Variants in HACE1 observed in about 807,000 individuals in gnomAD.
The protein encoded by HACE1 is HECT domain and ankyrin repeat containing E3 ubiquitin protein ligase 1, also known as E3 ubiquitin-protein ligase HACE1.
In HACE1, 73 loss-of-function variants were observed where a neutral mutation model predicts 118.4. The ratio of observed to expected loss-of-function variants is 0.62; its 90% confidence interval spans 0.51 to 0.75. The LOEUF (loss-of-function observed/expected upper bound fraction) is 0.75. Ranked by LOEUF, HACE1 falls within the 30% of genes least tolerant of loss-of-function variation. The probability of loss-of-function intolerance (pLI) is 0.00; values close to 1 mark genes in which losing one functional copy is unlikely to be tolerated. For missense variants in HACE1, 749 were observed against 1,102.2 expected (o/e 0.68, Z 4.54); for synonymous variants, 368 against 374.8 (o/e 0.98, Z 0.21).
intron 11 of HACE1, among the ~76,000 whole-genome samples, chr6:104,790,767 C>G (rs1289305645): frequency 6.6e-6 from 1 of 152,044 alleles, no homozygotes; most frequent in Non-Finnish European, 1.5e-5. Flanking sequence ...AAAATAAATA[C>G]ATGAAGAAAT....
chr6:104,791,302 G>A (rs1025143126), intron 11 of HACE1, among the ~76,000 whole-genome samples: 1 of 152,180 alleles, frequency 6.6e-6, no homozygotes, highest in Non-Finnish European at 1.5e-5. Flanking sequence ...AATTTTATTT[G>A]TAAGAAAAAT....
intron 10 of HACE1, among the ~76,000 whole-genome samples, chr6:104,794,040 G>A (rs1199272952): frequency 6.6e-6 from 1 of 152,118 alleles, no homozygotes; most frequent in East Asian, 1.9e-4. Flanking sequence ...GTCATTTTTA[G>A]AAGCTAGATT....
At chr6:104,859,406 G>A (rs1445474146) in intron 1 of HACE1, 161 bp downstream of exon 1, 1 of 601,268 alleles carries the variant, frequency 1.7e-6, no homozygotes, top group Non-Finnish European at 2.8e-6. Context: ...TCGGGCCAGG[G>A]GAGTTCGGGG....
chr6:104,804,323 C>T (rs1019728620), intron 7 of HACE1, among the ~76,000 whole-genome samples: 1 of 152,202 alleles, frequency 6.6e-6, no homozygotes, highest in Non-Finnish European at 1.5e-5. Flanking sequence ...CCATCCCCAT[C>T]AAGCAACCAA....
intron 19 of HACE1, among the ~76,000 whole-genome samples, chr6:104,769,172 C>A (rs1414156554): frequency 6.6e-6 from 1 of 152,098 alleles, no homozygotes; most frequent in East Asian, 1.9e-4. Flanking sequence ...ATAGCTAGGA[C>A]TGTAGCCACA....
At chr6:104,775,772 T>C (rs1229250373) in intron 17 of HACE1, among the ~76,000 whole-genome samples, 2 of 152,344 alleles carry the variant, frequency 1.3e-5, no homozygotes, top group East Asian at 3.9e-4. Flanking sequence ...TGCAGCTGCC[T>C]AGCTCTACTG....
chr6:104,791,711 C>T (rs980367747), intron 10 of HACE1, 57 bp from the exon 11 acceptor site: 1 of 1,156,080 alleles, frequency 8.6e-7, no homozygotes, highest in Non-Finnish European at 1.3e-6. Context: ...TATTAAAATA[C>T]TTATTTTAAA....
chr6:104,748,855 G>C (rs1777734009), intron 20 of HACE1, among the ~76,000 whole-genome samples: 1 of 152,164 alleles, frequency 6.6e-6, no homozygotes, highest in Non-Finnish European at 1.5e-5. Flanking sequence ...TATGATTTTA[G>C]AAGTCAGGAG....
intron 19 of HACE1, among the ~76,000 whole-genome samples, chr6:104,764,528 ATC>A (rs1175104439): frequency 6.6e-6 from 1 of 152,082 alleles, no homozygotes; most frequent in Non-Finnish European, 1.5e-5. Context: ...TGCCTTAGAA[ATC>A]TCTCTTTGAT....
intron 19 of HACE1, among the ~76,000 whole-genome samples, chr6:104,752,338 T>C (rs570967962): frequency 1.4e-3 from 220 of 152,176 alleles, no homozygotes; most frequent in Non-Finnish European, 2.5e-3. Flanking sequence ...AAATAACATA[T>C]ATAAAATATT....
intron 22 of HACE1, among the ~76,000 whole-genome samples, chr6:104,734,845 G>A (rs925164011): frequency 2.0e-5 from 3 of 152,090 alleles, no homozygotes; most frequent in African/African-American, 7.2e-5. Context: ...TAAAAAACTT[G>A]AATAACTGAT....
Position 104,852,346 on chromosome 6 carries a change from T to G in HACE1, c.102A>C (p.Leu34Phe). 6.2e-7 allele frequency: 1 copy of G among 1,608,378 alleles called. No homozygotes were observed. The highest frequency in any genetic ancestry group is 8.5e-7 in the Non-Finnish European group (1 of 1,175,406). The change falls in exon 2 of 24, where the codon TTA becomes TTC. Residue 34 changes from leucine (L) to phenylalanine (F), a missense_variant. Leu to Phe is a conservative substitution (Grantham distance 22, BLOSUM62 0). Coordinates refer to ENST00000262903, the MANE Select transcript of HACE1 (RefSeq NM_020771.4). ...PEDNETAVYT[L>F]MPMVMADQHR... ...GTTGATCAGCCATAACCATTGGCAT[T>G]AATGTATAAACAGCAGTTTCATTAT...
intron 11 of HACE1, chr6:104,785,609 T>C (rs1782303614): frequency 2.9e-6 from 1 of 340,614 alleles, no homozygotes; most frequent in Non-Finnish European, 5.5e-6. Context: ...CTTTCTTCTT[T>C]TAATTTTCAA....
chr6:104,799,915 C>T (rs1025869569), intron 7 of HACE1, among the ~76,000 whole-genome samples: 3 of 55,532 alleles, frequency 5.4e-5, no homozygotes, highest in African/African-American at 4.2e-4. Flanking sequence ...GTGAGCACCT[C>T]ACTTGGGAAG....
At chr6:104,827,307 A>T (rs1478907971) in intron 6 of HACE1, among the ~76,000 whole-genome samples, 1 of 152,204 alleles carries the variant, frequency 6.6e-6, no homozygotes, top group Admixed American at 6.5e-5. Flanking sequence ...AAACAACAAA[A>T]AAAGTGTCCT....
intron 1 of HACE1, chr6:104,858,505 G>A: frequency 2.5e-6 from 1 of 397,752 alleles, no homozygotes; most frequent in South Asian, 1.8e-5. Flanking sequence ...TTCAAGACCA[G>A]CCTGGGGAAC....
chr6:104,813,176 T>C (rs926504945), intron 6 of HACE1, among the ~76,000 whole-genome samples: 1 of 138,010 alleles, frequency 7.2e-6, no homozygotes, highest in Non-Finnish European at 1.6e-5. Flanking sequence ...ATATTGGCAT[T>C]AGAAAGTCCC....
At chr6:104,747,460 C>G (rs1777549446) in intron 20 of HACE1, among the ~76,000 whole-genome samples, 1 of 152,098 alleles carries the variant, frequency 6.6e-6, no homozygotes, top group Non-Finnish European at 1.5e-5. Flanking sequence ...AGATGCACAT[C>G]TAGTTTAGAC....
intron 12 of HACE1, 100 bp from the exon 13 acceptor site, chr6:104,784,585 C>CA (rs71763197): frequency 0.32 from 204,169 of 632,326 alleles, 19,861 homozygotes; most frequent in African/African-American, 0.56. Context: ...GCTTCTAAAC[C>CA]AAAAAAAAAA....
Sources: gnomAD v4.1 joint callset for allele counts (sites outside exome capture counted in the v4.1 genomes callset) on GRCh38, gnomAD v4.1.1 for gene constraint, MANE v1.5 for transcripts, NCBI Gene and HGNC (gene_info 2026-07-23, HGNC 2026-07-21) for gene names.